Variants in ZFPM1 observed in about 807,000 individuals in gnomAD.
ZFPM1 encodes the protein zinc finger protein, FOG family member 1.
In ZFPM1, 28 loss-of-function variants were observed where a neutral mutation model predicts 46.3. That is an observed-to-expected ratio of 0.60 (90% CI 0.45 to 0.83). The LOEUF is 0.83. Ranked by LOEUF, ZFPM1 falls within the 40% of genes least tolerant of loss-of-function variation. The probability of loss-of-function intolerance (pLI) is 0.00; values close to 1 mark genes in which losing one functional copy is unlikely to be tolerated. For synonymous variants in ZFPM1, 957 were observed against 675.9 expected (o/e 1.42, Z -6.45); for missense variants, 1,878 against 1,432.4 (o/e 1.31, Z -5.02).
chr16:88,528,979 A>G (rs1019137987), intron 6 of ZFPM1, among the ~76,000 whole-genome samples: 3 of 152,154 alleles, frequency 2.0e-5, no homozygotes, highest in African/African-American at 7.2e-5. Context: ...GGCTGCGGGA[A>G]TCATGAGTCA....
At chr16:88,464,438 C>G (rs776585075) in intron 1 of ZFPM1, among the ~76,000 whole-genome samples, 3 of 152,268 alleles carry the variant, frequency 2.0e-5, no homozygotes, top group Non-Finnish European at 4.4e-5. Context: ...CCCAACACCA[C>G]CTACCGTCTT....
intron 3 of ZFPM1, among the ~76,000 whole-genome samples, chr16:88,505,565 G>A (rs180850189): frequency 3.3e-5 from 5 of 152,294 alleles, no homozygotes; most frequent in East Asian, 1.9e-4. Context: ...GGGAGGGGCC[G>A]GCATCGCCCT....
At chr16:88,478,745 T>C (rs930317089) in intron 1 of ZFPM1, among the ~76,000 whole-genome samples, 6 of 152,110 alleles carry the variant, frequency 3.9e-5, no homozygotes, top group Admixed American at 6.5e-5. Context: ...CAACTGCACA[T>C]AGAGGCGAGG....
At position 88,534,399 on chromosome 16, in the gene ZFPM1, C is replaced by G; in HGVS notation, c.2441C>G (p.Ala814Gly). 1.4e-6 allele frequency: 2 copies of G among 1,476,166 alleles called. No homozygotes were observed. The highest frequency in any genetic ancestry group is 1.8e-6 in the Non-Finnish European group (2 of 1,119,820). The allele number at this position is 1,476,166 out of a possible 1,614,324, so 91.4% of individuals were successfully genotyped here. A position where few individuals can be genotyped will look rare whatever the true frequency, so the allele number is the denominator to read the frequency against. Residue 814 changes from alanine (A) to glycine (G), a missense_variant, in exon 10 of 10, where the codon GCC becomes GGC. Transcript: ENST00000319555. ...CCCGGAGCCCCGGCACCGGCGCTGG[C>G]CGACTACCACGAGTGCACGGCCTGC... ...PLPGAPAPAL[A>G]DYHECTACRV...
Position 88,533,888 on chromosome 16 carries a change from C to A in ZFPM1, c.1930C>A (p.Arg644Ser), listed in dbSNP as rs1417075771. The A allele has an allele frequency of 2.0e-6, 2 of 1,024,006 alleles. No homozygotes were observed. Among genetic ancestry groups the A allele is most frequent in the African/African-American group, 1.8e-5 (1 of 55,914 alleles). The allele number at this position is 1,024,006 out of a possible 1,614,324, so 63.4% of individuals were successfully genotyped here. The change falls in exon 10 of 10, where the codon CGC becomes AGC. Residue 644 changes from arginine (R) to serine (S), a missense_variant. Arg to Ser is a moderately radical substitution (Grantham distance 110). Transcript: ENST00000319555. ...GCGCTCGTCCCCGGGCCCCGGAGCG[C>A]GCGAGGAGGGGGCTGGGGGCGCGGC... is the stretch of plus-strand genomic sequence containing the variant. Reference protein sequence around the residue: ...APRSSPGPGAREEGAGGAATP... With the variant: ...APRSSPGPGASEEGAGGAATP...
At chr16:88,486,093 G>T in intron 2 of ZFPM1, 50 bp downstream of exon 2, 2 of 1,545,592 alleles carry the variant, frequency 1.3e-6, no homozygotes, top group Non-Finnish European at 1.8e-6. Flanking sequence ...GGCCTCCATT[G>T]CTTACCCGTA....
chr16:88,528,320 G>T (rs1048304309), intron 6 of ZFPM1, 82 bp downstream of exon 6: 1 of 1,408,754 alleles, frequency 7.1e-7, no homozygotes, highest in African/African-American at 1.4e-5. Context: ...GGAGCTGAGG[G>T]TGGGAAGCTC....
At chr16:88,492,394 C>T (rs1476818503) in intron 3 of ZFPM1, among the ~76,000 whole-genome samples, 1 of 152,192 alleles carries the variant, frequency 6.6e-6, no homozygotes. Context: ...TTGAGGCGGC[C>T]TGGGAGGTGC....
At chr16:88,474,563 G>A (rs1026946733) in intron 1 of ZFPM1, among the ~76,000 whole-genome samples, 7 of 152,210 alleles carry the variant, frequency 4.6e-5, no homozygotes, top group African/African-American at 1.7e-4. Context: ...GCCGTGCAGG[G>A]CTCCGTCCCA....
At chr16:88,453,044 C>G (rs1052469947), upstream of ZFPM1, among the ~76,000 whole-genome samples, 62 of 150,562 alleles carry the variant, frequency 4.1e-4, no homozygotes, top group Non-Finnish European at 1.8e-4. Context: ...GGCCGCAGCG[C>G]TGGGGTCGGA....
chr16:88,475,220 C>A (rs934841946), intron 1 of ZFPM1, among the ~76,000 whole-genome samples: 1 of 152,182 alleles, frequency 6.6e-6, no homozygotes, highest in Non-Finnish European at 1.5e-5. Flanking sequence ...CGTGGGGTGT[C>A]GAGGGTGCCC....
At chr16:88,509,894 C>T (rs1910859822) in intron 3 of ZFPM1, among the ~76,000 whole-genome samples, 3 of 152,128 alleles carry the variant, frequency 2.0e-5, no homozygotes, top group African/African-American at 4.8e-5. Flanking sequence ...GAGGGGGCCA[C>T]GGTTCCTGCG....
At chr16:88,517,214 ATGGATGGATGGATGGGTGGGTGGGTGGG>A (rs1235630131) in intron 4 of ZFPM1, among the ~76,000 whole-genome samples, 18 of 117,786 alleles carry the variant, frequency 1.5e-4, no homozygotes, top group African/African-American at 4.1e-4. Context: ...GGATGGATGG[ATGGATGGATGGATGGGTGGGTGGGTGGG>A]TGGATGGATG....
intron 3 of ZFPM1, among the ~76,000 whole-genome samples, chr16:88,493,941 C>T (rs1346039698): frequency 1.3e-5 from 2 of 152,208 alleles, no homozygotes; most frequent in African/African-American, 2.4e-5. Flanking sequence ...GACGGGAGCA[C>T]AGGCCCTATA....
Position 88,485,996 on chromosome 16 carries a change from T to C in ZFPM1, c.98T>C (p.Met33Thr), listed in dbSNP as rs1032456519. 1 of 1,612,894 alleles carries C rather than the reference T, an allele frequency of 6.2e-7. No homozygotes were observed. Among genetic ancestry groups the C allele is most frequent in the Non-Finnish European group, 8.5e-7 (1 of 1,179,944 alleles). Reference sequence around the variant, plus strand: ...GTGCAGTTGGTGGGTGCCAGCCACATGGAGCAAAAGGCCACGGCACCTGAA... The same window carrying C: ...GTGCAGTTGGTGGGTGCCAGCCACACGGAGCAAAAGGCCACGGCACCTGAA... ...EEVQLVGASH[M>T]EQKATAPEAP... Residue 33 changes from methionine to threonine, a missense_variant, in exon 2 of 10, where the codon ATG becomes ACG. Coordinates refer to ENST00000319555, the MANE Select transcript of ZFPM1 (RefSeq NM_153813.3).
rs1912965105 is a variant in ZFPM1, at chr16:88,533,378, C to T, written c.1420C>T (p.Pro474Ser). 2 of 1,528,092 alleles carry T rather than the reference C, an allele frequency of 1.3e-6. No homozygotes were observed. The highest frequency in any genetic ancestry group is 1.7e-6 in the Non-Finnish European group (2 of 1,143,340). 94.7% of individuals were successfully genotyped at this position (1,528,092 alleles called of 1,614,324 possible). A position where few individuals can be genotyped will look rare whatever the true frequency, so the allele number is the denominator to read the frequency against. ...VEAVEEPEAA[P>S]ILGPGEPGPQ... ...GGCGGTGGAGGAGCCGGAGGCGGCC[C>T]CCATCCTGGGCCCCGGAGAGCCTGG... Residue 474 changes from proline to serine, a missense_variant, in exon 10 of 10, where the codon CCC becomes TCC. Pro to Ser is a moderately conservative substitution (Grantham distance 74). Coordinates refer to ENST00000319555, the MANE Select transcript of ZFPM1 (RefSeq NM_153813.3).
At chr16:88,454,778 G>A (rs777445309) in intron 1 of ZFPM1, among the ~76,000 whole-genome samples, 1 of 151,962 alleles carries the variant, frequency 6.6e-6, no homozygotes, top group Non-Finnish European at 1.5e-5. Flanking sequence ...CGCCTCCCCG[G>A]AGCCTGACGG....
chr16:88,493,536 G>A (rs185085688), intron 3 of ZFPM1, among the ~76,000 whole-genome samples: 1,963 of 103,080 alleles, frequency 0.019, 17 homozygotes, highest in African/African-American at 0.073. Context: ...GCTGTCCCGG[G>A]GTGGGGAGAG....
At chr16:88,461,912 G>A (rs973388321) in intron 1 of ZFPM1, among the ~76,000 whole-genome samples, 1 of 152,258 alleles carries the variant, frequency 6.6e-6, no homozygotes, top group African/African-American at 2.4e-5. Context: ...GTGAGGTTAT[G>A]TGACGTGGGA....
Sources: gnomAD v4.1 joint callset for allele counts (sites outside exome capture counted in the v4.1 genomes callset) on GRCh38, gnomAD v4.1.1 for gene constraint, MANE v1.5 for transcripts, NCBI Gene and HGNC (gene_info 2026-07-23, HGNC 2026-07-21) for gene names.